The following RASEF variants were observed in gnomAD, a reference collection of about 807,000 sequenced individuals.
The protein encoded by RASEF is RAS and EF-hand domain containing.
A neutral mutation model predicts 90.1 loss-of-function variants in RASEF; 68 were observed. The ratio of observed to expected loss-of-function variants is 0.75; its 90% CI spans 0.62 to 0.92. RASEF has a LOEUF of 0.92. Ranked by LOEUF, RASEF falls within the 40% of genes least tolerant of loss-of-function variation. The pLI is 0.00. For missense variants in RASEF, 949 were observed against 937.2 expected (o/e 1.01, Z -0.16); for synonymous variants, 331 against 345.2 (o/e 0.96, Z 0.46).
chr9:83,199,806 A>C, the RASEF span, among the ~76,000 whole-genome samples: 1 of 152,232 alleles, frequency 6.6e-6, no homozygotes, highest in Middle Eastern at 3.4e-3. Context: ...AGGAGAGGAG[A>C]GCAGAGAAAT....
chr9:83,074,084 G>T, the RASEF span, among the ~76,000 whole-genome samples: 14 of 152,264 alleles, frequency 9.2e-5, no homozygotes, highest in African/African-American at 3.4e-4. Flanking sequence ...TCCTGAAAAT[G>T]TTAGCAGGTA....
chr9:83,066,161 A>G (rs537209441), upstream of RASEF, among the ~76,000 whole-genome samples: 15 of 152,342 alleles, frequency 9.8e-5, no homozygotes, highest in Admixed American at 6.5e-4. Context: ...TTGTCCCCCA[A>G]ATAAGCCACA....
At chr9:83,158,042 T>A in the RASEF span, among the ~76,000 whole-genome samples, 2 of 152,312 alleles carry the variant, frequency 1.3e-5, no homozygotes, top group Admixed American at 1.3e-4. Flanking sequence ...TCATCTAAAC[T>A]AAATCACTGC....
chr9:83,142,123 T>G, the RASEF span, among the ~76,000 whole-genome samples: 1 of 152,198 alleles, frequency 6.6e-6, no homozygotes, highest in South Asian at 2.1e-4. Context: ...AACAGTTTTA[T>G]TTTTGTGATA....
At chr9:83,089,283 GA>G in the RASEF span, among the ~76,000 whole-genome samples, 1 of 135,324 alleles carries the variant, frequency 7.4e-6, no homozygotes, top group African/African-American at 3.8e-5. Context: ...GTTTTACATA[GA>G]GTTTTAAAAA....
At chr9:83,036,324 G>A (rs530721860) in intron 1 of RASEF, among the ~76,000 whole-genome samples, 1 of 152,316 alleles carries the variant, frequency 6.6e-6, no homozygotes, top group South Asian at 2.1e-4. Context: ...TCAGCCAGTT[G>A]TGCTCCTATC....
chr9:83,098,052 A>G, the RASEF span, among the ~76,000 whole-genome samples: 5 of 152,204 alleles, frequency 3.3e-5, no homozygotes, highest in South Asian at 2.1e-4. Context: ...CGACAAAGCT[A>G]CAGTCAAATC....
the RASEF span, among the ~76,000 whole-genome samples, chr9:83,107,805 A>G: frequency 6.6e-6 from 1 of 152,160 alleles, no homozygotes; most frequent in South Asian, 2.1e-4. Flanking sequence ...TGTGGCCCCT[A>G]GTCTAGCACT....
the RASEF span, among the ~76,000 whole-genome samples, chr9:83,195,819 A>G: frequency 6.6e-6 from 1 of 152,126 alleles, no homozygotes; most frequent in Non-Finnish European, 1.5e-5. Context: ...GACTTTTAAC[A>G]GAGGAATAAT....
chr9:83,099,498 G>T, the RASEF span, among the ~76,000 whole-genome samples: 1 of 152,294 alleles, frequency 6.6e-6, no homozygotes, highest in East Asian at 1.9e-4. Flanking sequence ...GTAAGAGAAA[G>T]TCAAACTTAT....
At position 83,032,227 on chromosome 9, in the gene RASEF, C is replaced by T. The variant is rs140654926; in HGVS notation, c.432-6306G>A. On this transcript the variant is annotated intron_variant, in intron 1 of 16. Coordinates refer to ENST00000376447, the MANE Select transcript of RASEF (RefSeq NM_152573.4). The stretch of plus-strand genomic sequence containing the variant: ...ACGTCAAAGGTTAAACAAGCAGAAA[C>T]GATACAATGGCCACACACACAACTC... 1.2e-3 allele frequency among the ~76,000 whole-genome samples: 188 copies of T among 152,118 alleles called. No homozygotes were observed. In the East Asian group the frequency reaches 0.019, roughly 15 times the overall value.
At chr9:83,009,025 C>T (rs929815924) in intron 6 of RASEF, among the ~76,000 whole-genome samples, 9 of 145,802 alleles carry the variant, frequency 6.2e-5, no homozygotes, top group South Asian at 2.2e-4. Context: ...ATGTAGTAAA[C>T]GATAATATTT....
chr9:83,137,547 A>G, the RASEF span, among the ~76,000 whole-genome samples: 3 of 152,168 alleles, frequency 2.0e-5, no homozygotes, highest in African/African-American at 7.2e-5. Context: ...CAAGACAATA[A>G]TAGATGGGTT....
chr9:83,154,594 CA>C, the RASEF span, among the ~76,000 whole-genome samples: 1 of 152,146 alleles, frequency 6.6e-6, no homozygotes, highest in Non-Finnish European at 1.5e-5. Flanking sequence ...TTGAAACACT[CA>C]AAAGTCAGGA....
the RASEF span, among the ~76,000 whole-genome samples, chr9:83,203,838 T>C: frequency 1.3e-5 from 2 of 152,216 alleles, no homozygotes; most frequent in South Asian, 2.1e-4. Flanking sequence ...AGGGAGGTCC[T>C]ATGGCTGGAG....
intron 4 of RASEF, among the ~76,000 whole-genome samples, chr9:83,015,208 C>T (rs144809659): frequency 3.5e-4 from 54 of 152,324 alleles, no homozygotes; most frequent in Non-Finnish European, 6.8e-4. Context: ...CCAAGAAAAA[C>T]AGTCATGAAG....
intron 12 of RASEF, among the ~76,000 whole-genome samples, chr9:82,998,737 TTGTGTGTG>T (rs140716164): frequency 6.6e-6 from 1 of 150,392 alleles, no homozygotes; most frequent in African/African-American, 2.4e-5. Flanking sequence ...TCAGTCATAT[TTGTGTGTG>T]TGTGTGTGTG....
At chr9:83,056,461 G>A (rs1830105894) in intron 1 of RASEF, among the ~76,000 whole-genome samples, 1 of 152,176 alleles carries the variant, frequency 6.6e-6, no homozygotes, top group African/African-American at 2.4e-5. Flanking sequence ...AGTGATACAT[G>A]AAGCAAGAAG....
At chr9:83,046,910 A>G (rs1308356282) in intron 1 of RASEF, among the ~76,000 whole-genome samples, 4 of 152,228 alleles carry the variant, frequency 2.6e-5, no homozygotes, top group Non-Finnish European at 4.4e-5. Flanking sequence ...TTCAGAATAA[A>G]TAACTCCTTT....
Sources: gnomAD v4.1 joint callset for allele counts (sites outside exome capture counted in the v4.1 genomes callset) on GRCh38, gnomAD v4.1.1 for gene constraint, MANE v1.5 for transcripts, NCBI Gene and HGNC (gene_info 2026-07-23, HGNC 2026-07-21) for gene names.